SLC17A6: variants seen among roughly 807,000 people sequenced by gnomAD.
SLC17A6 encodes the protein solute carrier family 17 member 6, also known as vesicular glutamate transporter 2.
SLC17A6 carries 35 observed loss-of-function variants against 67.1 expected under a neutral mutation model. The ratio of observed to expected loss-of-function variants is 0.52; its 90% confidence interval spans 0.40 to 0.69. The LOEUF (loss-of-function observed/expected upper bound fraction) is 0.69, where lower values mean the gene tolerates loss of function less well. SLC17A6 is among the 30% of genes least tolerant of loss of function. The pLI is 0.00. For synonymous variants in SLC17A6, 285 were observed against 252.3 expected, an observed-to-expected ratio of 1.13 and a Z score of -1.23; for missense variants, 588 against 723.9, an observed-to-expected ratio of 0.81 and a Z score of 2.15.
intron 7 of SLC17A6, among the ~76,000 whole-genome samples, chr11:22,368,319 C>T (rs566929047): frequency 4.4e-4 from 67 of 152,140 alleles, no homozygotes; most frequent in African/African-American, 1.5e-3. Flanking sequence ...TCAAGAATCA[C>T]ACATTGCAAC....
intron 3 of SLC17A6, among the ~76,000 whole-genome samples, chr11:22,350,118 T>C (rs2593692): frequency 0.91 from 138,793 of 152,210 alleles, 63,434 homozygotes; most frequent in African/African-American, 0.96. Context: ...GAAAATATGA[T>C]TAGGAATTTC....
At chr11:22,345,273 C>T (rs994673430) in intron 3 of SLC17A6, among the ~76,000 whole-genome samples, 5 of 149,874 alleles carry the variant, frequency 3.3e-5, no homozygotes, top group Admixed American at 3.3e-4. Flanking sequence ...AAGAGTGATG[C>T]TGACTCAGGT....
chr11:22,375,999 A>C lies in SLC17A6; in HGVS notation c.1192A>C (p.Thr398Pro). The change falls in exon 10 of 12, where the codon ACA becomes CCA. Residue 398 changes from threonine to proline, a missense_variant. Thr to Pro is a conservative substitution (Grantham distance 38). This residue lies in a region of SLC17A6 where 414 missense variants were observed against 563.4 expected (regional missense o/e 0.73). Transcript: ENST00000263160. ...MNCGGFGMEA[T>P]LLLVVGYSHT... is the part of the protein sequence containing the mutation. ...TTCTGAAGGTTTTGGCATGGAAGCC[A>C]CACTGCTCCTGGTCGTTGGCTATTC... 6.2e-7 allele frequency: 1 copy of C among 1,607,016 alleles called. No homozygotes were observed. Among genetic ancestry groups the C allele is most frequent in the Non-Finnish European group, 8.5e-7 (1 of 1,176,032 alleles).
At position 22,378,478 on chromosome 11, in the gene SLC17A6, AC is replaced by A. The variant is rs1236920432; in HGVS notation, c.*739del. The A allele has an allele frequency of 6.6e-6, 1 of 152,554 alleles. No homozygotes were observed. The highest frequency in any genetic ancestry group is 1.9e-4 in the East Asian group (1 of 5,200). 9.5% of individuals were successfully genotyped at this position (152,554 alleles called of 1,614,324 possible). A position where few individuals can be genotyped will look rare whatever the true frequency, so the allele number is the denominator to read the frequency against. ...AACTTTTCATGTAGCGTATCACATA[AC>A]TTTTTTGCAAAAAATATAAAAAGAA... On this transcript the variant is annotated 3_prime_UTR_variant, in exon 12 of 12. Transcript: ENST00000263160.
rs772792788 is a variant in SLC17A6 at position 22,365,527 on chromosome 11, T to C, written c.749-20T>C. 6.2e-7 allele frequency: 1 copy of C among 1,613,692 alleles called. No homozygotes were observed. The highest frequency in any genetic ancestry group is 8.5e-7 in the Non-Finnish European group (1 of 1,179,686). On this transcript the variant is annotated intron_variant, in intron 6 of 11. Transcript: ENST00000263160. Reference sequence around the variant, plus strand: ...CTGTTAAATGGAAGTGACTTTCTCCTTCTGAACTGTTGCTTGCAGGAAGCT... The same window carrying C: ...CTGTTAAATGGAAGTGACTTTCTCCCTCTGAACTGTTGCTTGCAGGAAGCT...
rs890101292 is a variant in SLC17A6, at chr11:22,341,601, G to A, written c.160G>A (p.Glu54Lys). ...GGATGGGAAGCCCCTAGAGGTGCCCGAGAGGAAGGCGCCGCTGTGCGACTG... is the reference window on the plus strand; with the variant it reads ...GGATGGGAAGCCCCTAGAGGTGCCCAAGAGGAAGGCGCCGCTGTGCGACTG... ...TEDGKPLEVP[E>K]RKAPLCDCTC... The change falls in exon 2 of 12, where the codon GAG becomes AAG. Residue 54 changes from glutamate (E) to lysine (K), a missense_variant. By Grantham distance (56) the Glu-to-Lys change is moderately conservative. Coordinates refer to ENST00000263160, the MANE Select transcript of SLC17A6 (RefSeq NM_020346.3). 5 of 1,613,982 alleles carry A rather than the reference G, an allele frequency of 3.1e-6. No homozygotes were observed. Among genetic ancestry groups the A allele is most frequent in the Non-Finnish European group, 4.2e-6 (5 of 1,180,046 alleles).
intron 3 of SLC17A6, among the ~76,000 whole-genome samples, chr11:22,355,739 T>C (rs1428599191): frequency 6.6e-6 from 1 of 152,208 alleles, no homozygotes; most frequent in Non-Finnish European, 1.5e-5. Context: ...ACTTCCTTAG[T>C]TTCTGGTACA....
chr11:22,343,499 C>A, intron 3 of SLC17A6, 134 bp downstream of exon 3: 1 of 664,828 alleles, frequency 1.5e-6, no homozygotes, highest in East Asian at 2.8e-5. Context: ...TCCCTTGACA[C>A]ACCCTCTCAG....
chr11:22,357,319 A>G (rs1380291946), intron 3 of SLC17A6, among the ~76,000 whole-genome samples: 3 of 152,230 alleles, frequency 2.0e-5, no homozygotes, highest in African/African-American at 7.2e-5. Context: ...CAAGTCGAAT[A>G]AGCACTCATT....
At chr11:22,374,025 G>A (rs917833091) in intron 8 of SLC17A6, among the ~76,000 whole-genome samples, 1 of 152,130 alleles carries the variant, frequency 6.6e-6, no homozygotes, top group Non-Finnish European at 1.5e-5. Context: ...CACGTATGCG[G>A]TAATACATAA....
At chr11:22,360,775 A>T (rs1156913801) in intron 4 of SLC17A6, 122 bp from the exon 5 acceptor site, 4 of 730,658 alleles carry the variant, frequency 5.5e-6, no homozygotes, top group Admixed American at 5.3e-5. Context: ...CTTTTACCTT[A>T]ATCAGAAAAA....
At position 22,376,505 on chromosome 11, in the gene SLC17A6, T is replaced by C. The variant is rs988766018; in HGVS notation, c.1286-40T>C. On this transcript the variant is annotated intron_variant, in intron 10 of 11. Transcript: ENST00000263160. ...TCTATAGGTATTTACTTCTAAGACG[T>C]TTAGGATGCCCTGAGTCAAAACTTA... 5 of 1,612,682 alleles carry C rather than the reference T, an allele frequency of 3.1e-6. No individual in the cohort carries two copies. The African/African-American group carries it at 6.7e-5, about 22-fold the overall frequency.
chr11:22,356,233 T>A (rs981926525), intron 3 of SLC17A6, among the ~76,000 whole-genome samples: 2 of 152,164 alleles, frequency 1.3e-5, no homozygotes, highest in African/African-American at 4.8e-5. Context: ...TACCTTCTCT[T>A]CCACACAATA....
intron 1 of SLC17A6, 81 bp from the exon 2 acceptor site, chr11:22,341,447 G>T: frequency 3.9e-6 from 6 of 1,547,042 alleles, no homozygotes; most frequent in South Asian, 1.2e-5. Flanking sequence ...AACCCCGACG[G>T]GTCCTGAAAA....
chr11:22,377,918 G>T lies in SLC17A6; in HGVS notation c.*178G>T. Reference sequence around the variant, plus strand: ...CATCAAGTGCAATCTGTAAAATTGTGAAGTTCCATCATTTCCATTCAAGTC... The same window carrying T: ...CATCAAGTGCAATCTGTAAAATTGTTAAGTTCCATCATTTCCATTCAAGTC... On this transcript the variant is annotated 3_prime_UTR_variant, in exon 12 of 12. Transcript: ENST00000263160. 1 of 558,388 alleles carries T rather than the reference G, an allele frequency of 1.8e-6. No individual in the cohort carries two copies. The highest frequency in any genetic ancestry group is 3.1e-6 in the Non-Finnish European group (1 of 320,852). The allele number at this position is 558,388 out of a possible 1,614,324, so 34.6% of individuals were successfully genotyped here.
At chr11:22,376,484 T>A in intron 10 of SLC17A6, 61 bp from the exon 11 acceptor site, 1 of 1,596,778 alleles carries the variant, frequency 6.3e-7, no homozygotes, top group South Asian at 1.1e-5. Flanking sequence ...TGTGGTTCTA[T>A]AGGTATTTAC....
chr11:22,377,260 T>C (rs868741049), intron 11 of SLC17A6, 145 bp from the exon 12 acceptor site: 48 of 581,846 alleles, frequency 8.2e-5, no homozygotes, highest in African/African-American at 7.8e-4. Flanking sequence ...AAGTGTTATA[T>C]AGTTTTTGCT....
At chr11:22,339,525 T>G (rs1195311281) in intron 1 of SLC17A6, among the ~76,000 whole-genome samples, 2 of 152,122 alleles carry the variant, frequency 1.3e-5, no homozygotes, top group African/African-American at 4.8e-5. Context: ...TATGCTGTAA[T>G]TTGCAAAACT....
At chr11:22,349,754 A>C (rs921275863) in intron 3 of SLC17A6, among the ~76,000 whole-genome samples, 1 of 152,206 alleles carries the variant, frequency 6.6e-6, no homozygotes, top group South Asian at 2.1e-4. Flanking sequence ...GTATCAAGGG[A>C]CTCAGAGGGT....
Sources: allele counts gnomAD v4.1 joint callset (sites outside exome capture counted in the v4.1 genomes callset), GRCh38; gene constraint gnomAD v4.1.1; regional missense constraint gnomAD v4.1.1; transcripts MANE v1.5; gene names NCBI Gene and HGNC (gene_info 2026-07-23, HGNC 2026-07-21).